The following DSE variants were observed in gnomAD, a reference collection of about 807,000 sequenced individuals.
DSE encodes dermatan sulfate epimerase.
Under a neutral mutation model 84.4 loss-of-function variants are expected in DSE, and 36 were observed. The observed-to-expected ratio is 0.43, with a 90% confidence interval of 0.33 to 0.56. The LOEUF is 0.56. Among genes scored for constraint, DSE ranks in the 20% least tolerant of loss-of-function variants. DSE has a pLI of 0.06. For synonymous variants in DSE, 410 were observed against 430.1 expected (o/e 0.95, Z 0.58); for missense variants, 862 against 1,169.6 (o/e 0.74, Z 3.84).
At chr6:116,389,655 A>G (rs988307437) in intron 1 of DSE, among the ~76,000 whole-genome samples, 8 of 152,174 alleles carry the variant, frequency 5.3e-5, no homozygotes, top group African/African-American at 1.2e-4. Context: ...TTGAAACTGT[A>G]TAGGGTTGAG....
chr6:116,363,886 A>G (rs1779034047), intron 2 of DSE, among the ~76,000 whole-genome samples: 2 of 152,336 alleles, frequency 1.3e-5, no homozygotes, highest in African/African-American at 4.8e-5. Flanking sequence ...TGCCAGAGTT[A>G]ATATGAAATA....
intron 2 of DSE, among the ~76,000 whole-genome samples, chr6:116,282,447 G>A (rs1012187590): frequency 6.6e-6 from 1 of 151,918 alleles, no homozygotes; most frequent in Non-Finnish European, 1.5e-5. Flanking sequence ...TGTAATTAAT[G>A]TAATTAACAC....
intron 2 of DSE, among the ~76,000 whole-genome samples, chr6:116,402,836 G>C (rs548202110): frequency 6.8e-4 from 103 of 152,258 alleles, no homozygotes; most frequent in African/African-American, 2.4e-3. Flanking sequence ...AAGTAACAAT[G>C]ATGTGTCATT....
Position 116,399,678 on chromosome 6 carries a change from T to G in DSE, c.416+12T>G. The G allele has an allele frequency of 6.2e-7, 1 of 1,606,420 alleles. No homozygotes were observed. Among genetic ancestry groups the G allele is most frequent in the South Asian group, 1.1e-5 (1 of 90,258 alleles). ...GCGCAGCCTAGTTGGTAGATTTTTG[T>G]CTTGTTCTTCTTACTGTGGTAACTC... On this transcript the variant is annotated intron_variant, in intron 2 of 5. Coordinates refer to ENST00000644252, the MANE Select transcript of DSE (RefSeq NM_013352.4).
At chr6:116,373,413 A>G (rs1439379845) in intron 1 of DSE, among the ~76,000 whole-genome samples, 2 of 152,182 alleles carry the variant, frequency 1.3e-5, no homozygotes, top group Non-Finnish European at 2.9e-5. Context: ...GGCAGTTGCC[A>G]TGATGGGGTT....
chr6:116,323,014 G>A (rs1277213576), intron 2 of DSE, among the ~76,000 whole-genome samples: 1 of 152,148 alleles, frequency 6.6e-6, no homozygotes. Context: ...GAGCATAAGG[G>A]TCTTCCAGAA....
intron 2 of DSE, among the ~76,000 whole-genome samples, chr6:116,299,519 T>TACACACAC (rs1774879026): frequency 1.2e-5 from 1 of 83,100 alleles, no homozygotes; most frequent in African/African-American, 8.4e-5. Context: ...TATATATATA[T>TACACACAC]ATATATATAT....
At chr6:116,293,327 A>G (rs958677704) in intron 2 of DSE, among the ~76,000 whole-genome samples, 2 of 148,460 alleles carry the variant, frequency 1.3e-5, no homozygotes, top group Non-Finnish European at 3.0e-5. Flanking sequence ...ACTCGAGTGC[A>G]GTGGCGTGAT....
Position 116,437,171 on chromosome 6 carries a change from C to A in DSE, c.2703C>A (p.Thr901=). ...CCCCATCACTGTCTGCTTCCTATACCAGGTTGTTCCTGATTCTGAACATTG... is the reference window on the plus strand; with the variant it reads ...CCCCATCACTGTCTGCTTCCTATACAAGGTTGTTCCTGATTCTGAACATTG... ...SRAPSLSASY[T]RLFLILNIAI... The change falls in exon 6 of 6, where the codon ACC becomes ACA. Residue 901 remains threonine, a synonymous_variant. Transcript: ENST00000644252. The A allele has an allele frequency of 1.2e-6, 2 of 1,614,118 alleles. No individual in the cohort carries two copies. The highest frequency in any genetic ancestry group is 8.5e-7 in the Non-Finnish European group (1 of 1,180,004).
At chr6:116,336,686 C>A (rs1159189957) in intron 2 of DSE, among the ~76,000 whole-genome samples, 1 of 149,198 alleles carries the variant, frequency 6.7e-6, no homozygotes, top group East Asian at 2.0e-4. Flanking sequence ...ACCTGGGAGG[C>A]GGAGGTTGCA....
intron 2 of DSE, among the ~76,000 whole-genome samples, chr6:116,358,104 A>T (rs1778679994): frequency 6.6e-6 from 1 of 152,224 alleles, no homozygotes; most frequent in Non-Finnish European, 1.5e-5. Flanking sequence ...TGCTGGAAGA[A>T]GGCAGGCAAG....
chr6:116,349,396 G>C (rs575074415), intron 2 of DSE, among the ~76,000 whole-genome samples: 1 of 152,298 alleles, frequency 6.6e-6, no homozygotes, highest in Admixed American at 6.5e-5. Context: ...GTGCTTTCAA[G>C]CTGACTCAAG....
chr6:116,254,179 G>T (rs571471665), exon 1 of DSE: 1 of 754,268 alleles, frequency 1.3e-6, no homozygotes, highest in Non-Finnish European at 2.3e-6. Flanking sequence ...CTCTCTGCGC[G>T]GTTGACTACG....
At chr6:116,345,988 C>A (rs1318009997) in intron 2 of DSE, among the ~76,000 whole-genome samples, 20 of 152,212 alleles carry the variant, frequency 1.3e-4, no homozygotes, top group Non-Finnish European at 2.8e-4. Context: ...ATACTACAAA[C>A]ACCTCTACGC....
rs1784297924 is a variant in DSE, at chr6:116,438,123, A to G, written c.*778A>G. 1 of 152,566 alleles carries G rather than the reference A, an allele frequency of 6.6e-6. No individual in the cohort carries two copies. Among genetic ancestry groups the G allele is most frequent in the Non-Finnish European group, 1.5e-5 (1 of 67,992 alleles). 9.5% of individuals were successfully genotyped at this position (152,566 alleles called of 1,614,324 possible). On this transcript the variant is annotated 3_prime_UTR_variant, in exon 6 of 6. Transcript: ENST00000644252. ...ATGGAAAACCGTTATAGACCCAATA[A>G]CAACTAAACCTTTCAAAAGAAAATA... is the stretch of plus-strand genomic sequence containing the variant.
intron 2 of DSE, among the ~76,000 whole-genome samples, chr6:116,361,403 T>C (rs1778879029): frequency 6.6e-6 from 1 of 152,226 alleles, no homozygotes; most frequent in African/African-American, 2.4e-5. Context: ...CTTCTTAGTT[T>C]ATATGGCTTA....
At chr6:116,397,890 C>T (rs1781359412) in intron 1 of DSE, among the ~76,000 whole-genome samples, 2 of 152,156 alleles carry the variant, frequency 1.3e-5, no homozygotes, top group Non-Finnish European at 2.9e-5. Flanking sequence ...TAAGGTAGCA[C>T]CCTCAAATGA....
intron 2 of DSE, among the ~76,000 whole-genome samples, chr6:116,270,988 A>G (rs1256793863): frequency 1.3e-5 from 2 of 152,232 alleles, no homozygotes; most frequent in Admixed American, 1.3e-4. Context: ...GATATATCTA[A>G]TAATTTGTTG....
chr6:116,255,460 C>T (rs1187520275), intron 1 of DSE: 2 of 152,228 alleles, frequency 1.3e-5, no homozygotes, highest in Non-Finnish European at 2.9e-5. Flanking sequence ...TACCCAAGGA[C>T]AATGTGTCCA....
Sources: allele counts gnomAD v4.1 joint callset (sites outside exome capture counted in the v4.1 genomes callset), GRCh38; gene constraint gnomAD v4.1.1; transcripts MANE v1.5; gene names NCBI Gene and HGNC (gene_info 2026-07-23, HGNC 2026-07-21).